The following MARK1 variants were observed in gnomAD, a reference collection of about 807,000 sequenced individuals.
MARK1 encodes the protein microtubule affinity regulating kinase 1.
A neutral mutation model predicts 96.3 loss-of-function variants in MARK1; 40 were observed. The ratio of observed to expected loss-of-function variants is 0.42; its 90% CI spans 0.32 to 0.54. MARK1 has a LOEUF of 0.54. Ranked by LOEUF, MARK1 falls within the 20% of genes least tolerant of loss-of-function variation. The pLI, the probability that MARK1 is intolerant of heterozygous loss-of-function variation, is 0.16. For missense variants in MARK1, 719 were observed against 984.6 expected (o/e 0.73, Z 3.61); for synonymous variants, 317 against 341.2 (o/e 0.93, Z 0.78).
chr1:220,621,590 C>T (rs946620474), intron 9 of MARK1, among the ~76,000 whole-genome samples: 17 of 151,926 alleles, frequency 1.1e-4, no homozygotes, highest in African/African-American at 1.7e-4. Flanking sequence ...CTTTTAACTA[C>T]TTGTCTTAAG....
chr1:220,596,230 A>G lies in MARK1; in HGVS notation c.310-2101A>G, dbSNP rs546787262. Among the ~76,000 whole-genome samples, 2 of 152,238 alleles carry G rather than the reference A, an allele frequency of 1.3e-5. 1 individual carries two copies. Among genetic ancestry groups the G allele is most frequent in the South Asian group, 4.1e-4 (2 of 4,828 alleles). On this transcript the variant is annotated intron_variant, in intron 3 of 17. Coordinates refer to ENST00000366917, the MANE Select transcript of MARK1 (RefSeq NM_018650.5). ...TGAGGACCTCCATGTTTAAAGGTTG[A>G]GTAGAAGGGGAGAGGTTTAGTGGAA...
intron 3 of MARK1, among the ~76,000 whole-genome samples, chr1:220,591,523 G>A (rs1030332057): frequency 2.0e-5 from 3 of 152,172 alleles, no homozygotes; most frequent in African/African-American, 4.8e-5. Flanking sequence ...TATTCATGTT[G>A]TAGCTTAATG....
At chr1:220,560,407 T>A (rs1662587465) in intron 1 of MARK1, among the ~76,000 whole-genome samples, 1 of 152,214 alleles carries the variant, frequency 6.6e-6, no homozygotes, top group Admixed American at 6.5e-5. Context: ...TGCCTCAGCA[T>A]GGGATTATTA....
chr1:220,581,880 A>G (rs1422926076), intron 3 of MARK1, among the ~76,000 whole-genome samples: 1 of 152,234 alleles, frequency 6.6e-6, no homozygotes, highest in Non-Finnish European at 1.5e-5. Context: ...TACTTTAAAA[A>G]TGAAGCAAAT....
intron 1 of MARK1, among the ~76,000 whole-genome samples, chr1:220,552,346 TC>T (rs1373606840): frequency 6.6e-6 from 1 of 152,200 alleles, no homozygotes; most frequent in East Asian, 1.9e-4. Flanking sequence ...ATTTATTGAT[TC>T]CTGAACCTGT....
Position 220,543,263 on chromosome 1 carries a change from A to G in MARK1, c.51+14390A>G, listed in dbSNP as rs563828575. 5.3e-5 allele frequency among the ~76,000 whole-genome samples: 8 copies of G among 152,300 alleles called. No individual in the cohort carries two copies. In the East Asian group the frequency reaches 1.5e-3, roughly 29 times the overall value. On this transcript the variant is annotated intron_variant, in intron 1 of 17. Transcript: ENST00000366917. ...AGTAGCAACATAAACTGGACTTATA[A>G]TCAGTCTTTCAGTTCTTTATCACAA...
At chr1:220,593,855 G>C (rs1279079793) in intron 3 of MARK1, among the ~76,000 whole-genome samples, 6 of 152,144 alleles carry the variant, frequency 3.9e-5, no homozygotes, top group Non-Finnish European at 7.4e-5. Flanking sequence ...CATCCTTTCT[G>C]TGTCAGAGTG....
chr1:220,554,867 A>G (rs1025538509), intron 1 of MARK1, among the ~76,000 whole-genome samples: 1 of 152,208 alleles, frequency 6.6e-6, no homozygotes, highest in African/African-American at 2.4e-5. Context: ...TGAAAATTTT[A>G]AACTTTTTAT....
chr1:220,638,313 T>C (rs1271266871), intron 13 of MARK1, among the ~76,000 whole-genome samples: 2 of 152,180 alleles, frequency 1.3e-5, no homozygotes, highest in African/African-American at 2.4e-5. Context: ...TCTGTCTTTA[T>C]GTAGTGCCCT....
chr1:220,558,133 A>AAATAATAATAATAAT (rs56212262), intron 1 of MARK1, among the ~76,000 whole-genome samples: 15 of 137,158 alleles, frequency 1.1e-4, no homozygotes, highest in East Asian at 6.4e-4. Flanking sequence ...ACCCTGTCTC[A>AAATAATAATAATAAT]AATAATAATA....
chr1:220,638,108 G>A (rs1668070664), intron 13 of MARK1, among the ~76,000 whole-genome samples: 2 of 148,622 alleles, frequency 1.3e-5, no homozygotes, highest in Non-Finnish European at 2.9e-5. Flanking sequence ...GAACTATAAT[G>A]GGGCTTAAAT....
chr1:220,586,678 A>G (rs186176853), intron 3 of MARK1, among the ~76,000 whole-genome samples: 1 of 152,314 alleles, frequency 6.6e-6, no homozygotes, highest in East Asian at 1.9e-4. Context: ...TCAAGAAGCT[A>G]CTTAAGATAT....
intron 1 of MARK1, among the ~76,000 whole-genome samples, chr1:220,565,245 T>C (rs1662965334): frequency 6.6e-6 from 1 of 152,190 alleles, no homozygotes; most frequent in African/African-American, 2.4e-5. Context: ...AGCTATAACA[T>C]GAATGATCAG....
At chr1:220,593,002 G>A (rs1469900756) in intron 3 of MARK1, among the ~76,000 whole-genome samples, 1 of 152,202 alleles carries the variant, frequency 6.6e-6, no homozygotes, top group Non-Finnish European at 1.5e-5. Context: ...GAAAGTAGAA[G>A]CAGTAATTCA....
chr1:220,552,551 C>T (rs1324219553), intron 1 of MARK1, among the ~76,000 whole-genome samples: 1 of 152,124 alleles, frequency 6.6e-6, no homozygotes, highest in Non-Finnish European at 1.5e-5. Context: ...GGTGATTTCT[C>T]AAAGCATGAG....
intron 14 of MARK1, 44 bp from the exon 15 acceptor site, chr1:220,651,942 T>C (rs574920400): frequency 9.7e-6 from 14 of 1,447,636 alleles, no homozygotes; most frequent in Non-Finnish European, 7.4e-6. Context: ...CCACAAATTT[T>C]CCTCTTTTTT....
At chr1:220,584,469 ATTAGACT>A in intron 3 of MARK1, among the ~76,000 whole-genome samples, 1 of 152,340 alleles carries the variant, frequency 6.6e-6, no homozygotes, top group Middle Eastern at 3.4e-3. Context: ...AATTCTGAAA[ATTAGACT>A]TTATTAAATG....
intron 9 of MARK1, chr1:220,627,718 C>A: frequency 6.3e-6 from 1 of 159,800 alleles, no homozygotes; most frequent in South Asian, 1.8e-4. Context: ...GAAAGGGATA[C>A]TTTCATGCAA....
intron 5 of MARK1, among the ~76,000 whole-genome samples, chr1:220,601,643 G>A (rs774887017): frequency 1.3e-5 from 2 of 152,238 alleles, no homozygotes; most frequent in Middle Eastern, 3.4e-3. Flanking sequence ...TTTGATATGG[G>A]AAATCATAGA....
Sources: gnomAD v4.1 joint callset for allele counts (sites outside exome capture counted in the v4.1 genomes callset) on GRCh38, gnomAD v4.1.1 for gene constraint, MANE v1.5 for transcripts, NCBI Gene and HGNC (gene_info 2026-07-23, HGNC 2026-07-21) for gene names.